The following CCNA1 variants were observed in gnomAD, a reference collection of about 807,000 sequenced individuals.
CCNA1 encodes cyclin-A1.
CCNA1 carries 23 observed loss-of-function variants against 54.1 expected under a neutral mutation model. The observed-to-expected ratio is 0.42, with a 90% CI of 0.31 to 0.60. CCNA1 has a LOEUF of 0.60. CCNA1 is among the 20% of genes least tolerant of loss of function. CCNA1 has a pLI of 0.14. For missense variants in CCNA1, 450 were observed against 556.7 expected (o/e 0.81, Z 1.93); for synonymous variants, 208 against 213.9 (o/e 0.97, Z 0.24).
chr13:36,442,443 A>G, intron 8 of CCNA1, 139 bp downstream of exon 8: 1 of 1,138,376 alleles, frequency 8.8e-7, no homozygotes, highest in Non-Finnish European at 1.3e-6. Flanking sequence ...ACAAATTTAC[A>G]AATAAATTTG....
chr13:36,437,480 C>CTTTTTTTTTTT, intron 2 of CCNA1, 149 bp from the exon 3 acceptor site: 1 of 665,044 alleles, frequency 1.5e-6, no homozygotes, highest in Non-Finnish European at 2.5e-6. Flanking sequence ...TTTTGAAGAC[C>CTTTTTTTTTTT]TTTTTTTTTT....
At chr13:36,431,626 T>A (rs897581383), upstream of CCNA1, 1 of 152,196 alleles carries the variant, frequency 6.6e-6, no homozygotes, top group Admixed American at 6.5e-5. Flanking sequence ...AATCCCCACA[T>A]CTCCTCTGCC....
intron 2 of CCNA1, among the ~76,000 whole-genome samples, chr13:36,434,003 C>T (rs2055769760): frequency 6.6e-6 from 1 of 152,206 alleles, no homozygotes; most frequent in South Asian, 2.1e-4. Flanking sequence ...AATGTGAATG[C>T]TTCCAAATAA....
chr13:36,438,874 G>A lies in CCNA1; in HGVS notation c.893+7G>A, dbSNP rs1464934143. On this transcript the variant is annotated splice_region_variant and intron_variant, in intron 5 of 8. Coordinates refer to ENST00000255465, the MANE Select transcript of CCNA1 (RefSeq NM_003914.4). Reference sequence around the variant, plus strand: ...CAGCTATGCTTTTGGCTTCGTAAGTGTTCTTTCAGCTTGCATAATATGAAA... The same window carrying A: ...CAGCTATGCTTTTGGCTTCGTAAGTATTCTTTCAGCTTGCATAATATGAAA... 3.7e-6 allele frequency: 6 copies of A among 1,604,102 alleles called. No individual in the cohort carries two copies. Among genetic ancestry groups the A allele is most frequent in the Admixed American group, 1.7e-5 (1 of 59,982 alleles).
chr13:36,435,900 C>T (rs1240277563), intron 2 of CCNA1, among the ~76,000 whole-genome samples: 1 of 152,228 alleles, frequency 6.6e-6, no homozygotes, highest in East Asian at 1.9e-4. Context: ...AATGGAGTAG[C>T]CATCCTTTCT....
chr13:36,433,414 C>A lies in CCNA1; in HGVS notation c.297+193C>A, dbSNP rs957487941. On this transcript the variant is annotated intron_variant, in intron 2 of 8. Transcript: ENST00000255465. ...TCTTTCTTTCTTTCTTTCTTTCTTTCTTTCTTTCTTTCTTTCTTTCTTTCT... is the reference window on the plus strand; with the variant it reads ...TCTTTCTTTCTTTCTTTCTTTCTTTATTTCTTTCTTTCTTTCTTTCTTTCT... 2.5e-5 allele frequency among the ~76,000 whole-genome samples: 3 copies of A among 122,394 alleles called. No individual in the cohort carries two copies. The East Asian group carries it at 6.0e-4, about 25-fold the overall frequency. The allele number at this position is 122,394 out of a possible 152,430, so 80.3% of individuals were successfully genotyped here.
intron 2 of CCNA1, among the ~76,000 whole-genome samples, chr13:36,434,860 G>A (rs1201677520): frequency 2.1e-5 from 3 of 146,106 alleles, no homozygotes; most frequent in Admixed American, 6.9e-5. Flanking sequence ...CAATATACTC[G>A]TGTCTTCTTG....
At position 36,442,639 on chromosome 13, in the gene CCNA1, C is replaced by T; in HGVS notation, c.1372C>T (p.Pro458Ser). 6.2e-7 allele frequency: 1 copy of T among 1,613,954 alleles called. No individual in the cohort carries two copies. The highest frequency in any genetic ancestry group is 8.5e-7 in the Non-Finnish European group (1 of 1,179,922). The change falls in exon 9 of 9, where the codon CCA becomes TCA. Residue 458 changes from proline to serine, a missense_variant. By Grantham distance (74) the Pro-to-Ser change is moderately conservative (BLOSUM62 -1). This residue lies in a region of CCNA1 where 53 missense variants were observed against 50.1 expected (regional missense o/e 1.06). Coordinates refer to ENST00000255465, the MANE Select transcript of CCNA1 (RefSeq NM_003914.4). ...GTACCTGTGTGTGTCCCTCATGGAG[C>T]CACCTGCAGTTCTTCTTCTACAATA...
rs1349093733 is a variant in CCNA1 at position 36,438,883 on chromosome 13, G to A, written c.893+16G>A. 6.3e-7 allele frequency: 1 copy of A among 1,580,854 alleles called. No homozygotes were observed. Among genetic ancestry groups the A allele is most frequent in the Non-Finnish European group, 8.7e-7 (1 of 1,150,056 alleles). On this transcript the variant is annotated intron_variant, in intron 5 of 8. Transcript: ENST00000255465. ...TTTTGGCTTCGTAAGTGTTCTTTCA[G>A]CTTGCATAATATGAAACTATCACTT...
intron 2 of CCNA1, among the ~76,000 whole-genome samples, chr13:36,437,089 G>A (rs901840030): frequency 1.3e-5 from 2 of 152,204 alleles, no homozygotes; most frequent in African/African-American, 2.4e-5. Flanking sequence ...CATACGTAAA[G>A]GTTCTGTGGC....
intron 2 of CCNA1, among the ~76,000 whole-genome samples, chr13:36,433,792 C>T (rs1248087593): frequency 6.6e-6 from 1 of 152,118 alleles, no homozygotes; most frequent in Admixed American, 6.6e-5. Context: ...CCGCCCACCT[C>T]GGCCTCCCAA....
At position 36,439,992 on chromosome 13, in the gene CCNA1, A is replaced by G; in HGVS notation, c.907A>G (p.Ile303Val). ...TTCCTTTCCCAGGAAATATGAAGAGATATATCCTCCTGAAGTAGACGAGTT... is the reference window on the plus strand; with the variant it reads ...TTCCTTTCCCAGGAAATATGAAGAGGTATATCCTCCTGAAGTAGACGAGTT... The change falls in exon 6 of 9, where the codon ATA becomes GTA. Residue 303 changes from isoleucine to valine, a missense_variant. This residue lies in a region of CCNA1 where 150 missense variants were observed against 219.7 expected (regional missense o/e 0.68). Coordinates refer to ENST00000255465, the MANE Select transcript of CCNA1 (RefSeq NM_003914.4). 6.2e-7 allele frequency: 1 copy of G among 1,609,208 alleles called. No homozygotes were observed. Among genetic ancestry groups the G allele is most frequent in the Non-Finnish European group, 8.5e-7 (1 of 1,175,784 alleles).
At chr13:36,442,086 C>A in intron 7 of CCNA1, 85 bp from the exon 8 acceptor site, 2 of 1,043,898 alleles carry the variant, frequency 1.9e-6, no homozygotes, top group South Asian at 1.6e-5. Flanking sequence ...TACTAAGGGA[C>A]TAATTCCCTT....
chr13:36,438,911 C>A, intron 5 of CCNA1, 44 bp downstream of exon 5: 3 of 1,425,446 alleles, frequency 2.1e-6, no homozygotes, highest in Non-Finnish European at 2.0e-6. Flanking sequence ...TATCACTTGT[C>A]AAAACATGGA....
intron 5 of CCNA1, among the ~76,000 whole-genome samples, chr13:36,439,308 T>C (rs2055847354): frequency 6.6e-6 from 1 of 152,230 alleles, no homozygotes; most frequent in East Asian, 1.9e-4. Context: ...CATTCATTCA[T>C]GAAAGTACCT....
intron 7 of CCNA1, 66 bp from the exon 8 acceptor site, chr13:36,442,105 A>G (rs2055882230): frequency 7.6e-7 from 1 of 1,322,670 alleles, no homozygotes; most frequent in Admixed American, 1.9e-5. Context: ...TTTATTTCAA[A>G]TTGGTTATCT....
At chr13:36,433,439 T>TTTTCTTTCGTTCG (rs1566169703) in intron 2 of CCNA1, among the ~76,000 whole-genome samples, 1 of 68,076 alleles carries the variant, frequency 1.5e-5, no homozygotes, top group African/African-American at 4.5e-5. Flanking sequence ...TCTTTCTTTC[T>TTTTCTTTCGTTCG]TTCGTTCTTT....
chr13:36,438,227 C>T (rs1156293440), intron 4 of CCNA1, 36 bp downstream of exon 4: 2 of 1,583,934 alleles, frequency 1.3e-6, no homozygotes, highest in African/African-American at 2.7e-5. Flanking sequence ...ATCTTCAGGA[C>T]CCGAGCTCTT....
In CCNA1 at chr13:36,438,615, A is replaced by G. The variant is rs17053954; in HGVS notation, c.670-29A>G. 1.5e-3 allele frequency: 2,216 copies of G among 1,522,448 alleles called. 24 individuals carry two copies. The African/African-American group carries it at 0.027, about 18-fold the overall frequency. The allele number at this position is 1,522,448 out of a possible 1,614,324, so 94.3% of individuals were successfully genotyped here. On this transcript the variant is annotated intron_variant, in intron 4 of 8. Coordinates refer to ENST00000255465, the MANE Select transcript of CCNA1 (RefSeq NM_003914.4). ...GAATGATCTTTCTGAAATTGCAACT[A>G]CTAAATATCAAAACCTTTTCCCAAT...
Sources: gnomAD v4.1 joint callset for allele counts (sites outside exome capture counted in the v4.1 genomes callset) on GRCh38, gnomAD v4.1.1 for gene constraint, gnomAD v4.1.1 regional missense constraint, MANE v1.5 for transcripts, NCBI Gene and HGNC (gene_info 2026-07-23, HGNC 2026-07-21) for gene names.